The following SBK1 variants were observed in gnomAD, a reference collection of about 807,000 sequenced individuals.
SBK1 encodes SH3 domain binding kinase 1, also known as serine/threonine-protein kinase SBK1.
SBK1 carries 11 observed loss-of-function variants against 24.4 expected under a neutral mutation model. That is an observed-to-expected ratio of 0.45 (90% CI 0.28 to 0.75). SBK1 has a LOEUF of 0.75. SBK1 is among the 30% of genes least tolerant of loss of function. The pLI, the probability that SBK1 is intolerant of heterozygous loss-of-function variation, is 0.12. For synonymous variants in SBK1, 308 were observed against 284.4 expected (o/e 1.08, Z -0.83); for missense variants, 467 against 620.5 (o/e 0.75, Z 2.63).
intron 1 of SBK1, among the ~76,000 whole-genome samples, chr16:28,274,330 C>T (rs1362643941): frequency 6.6e-6 from 1 of 152,092 alleles, no homozygotes; most frequent in Non-Finnish European, 1.5e-5. Flanking sequence ...TACTACAAAA[C>T]TGAAAGTCTC....
At chr16:28,309,061 G>T (rs75005694) in intron 1 of SBK1, among the ~76,000 whole-genome samples, 3 of 152,092 alleles carry the variant, frequency 2.0e-5, no homozygotes, top group Non-Finnish European at 4.4e-5. Context: ...AAGTTTCCCA[G>T]TGGCTCCCAC....
intron 1 of SBK1, among the ~76,000 whole-genome samples, chr16:28,280,781 C>T (rs1404895060): frequency 6.6e-6 from 1 of 152,152 alleles, no homozygotes; most frequent in Non-Finnish European, 1.5e-5. Context: ...TCTCCTGGCT[C>T]AGCCTCCTGA....
At chr16:28,292,333 T>C (rs1054228227), upstream of SBK1, among the ~76,000 whole-genome samples, 1 of 16,538 alleles carries the variant, frequency 6.0e-5, no homozygotes, top group African/African-American at 2.3e-4. Flanking sequence ...CGGAAGGGGG[T>C]GGGGGCGCCG....
intron 1 of SBK1, among the ~76,000 whole-genome samples, chr16:28,294,779 G>A (rs1283377604): frequency 6.6e-6 from 1 of 152,224 alleles, no homozygotes; most frequent in East Asian, 1.9e-4. Context: ...GTGAGGATGT[G>A]ACCAGCTGGA....
rs1332595194 is a variant in SBK1, at chr16:28,320,842, C to G, written c.1196C>G (p.Pro399Arg). The G allele has an allele frequency of 1.4e-6, 2 of 1,470,510 alleles. No homozygotes were observed. The highest frequency in any genetic ancestry group is 1.8e-6 in the Non-Finnish European group (2 of 1,112,010). 91.1% of individuals were successfully genotyped at this position (1,470,510 alleles called of 1,614,324 possible). The change falls in exon 4 of 4, where the codon CCC becomes CGC. Residue 399 changes from proline to arginine, a missense_variant. Around this residue, in one of 4 missense-constraint regions of SBK1, gnomAD observed 166 missense variants for 146.8 expected, o/e 1.13. Transcript: ENST00000341901. The surrounding 1 kb of genome is among the most constrained non-coding windows in gnomAD (Gnocchi z 8.5). ...VPEPGLAPQG[P>R]PGRTDGRADK... The stretch of plus-strand genomic sequence containing the variant: ...GAGCCCGGCCTAGCTCCCCAGGGGC[C>G]CCCCGGCCGGACCGACGGCCGCGCG...
intron 1 of SBK1, among the ~76,000 whole-genome samples, chr16:28,268,439 T>G (rs2044443776): frequency 6.7e-6 from 1 of 148,588 alleles, no homozygotes; most frequent in Non-Finnish European, 1.5e-5. Flanking sequence ...TTTTTTTTTG[T>G]AAAGATGGGT....
Position 28,320,743 on chromosome 16 carries a change from CG to C in SBK1, c.1098del (p.Ala369ProfsTer26), listed in dbSNP as rs1395298843. On this transcript the variant is annotated frameshift_variant, in exon 4 of 4. Transcript: ENST00000341901. LOFTEE classifies it high-confidence loss of function. The surrounding 1 kb of genome is among the most constrained non-coding windows in gnomAD (Gnocchi z 8.5). ...LTESGSGSRP[A>X]PPAVGSVPLP... is the part of the protein sequence containing the mutation. ...GAGAGCGGCAGCGGCTCCCGGCCCG[CG>C]CCCCCCGCCGTCGGGTCGGTGCCCT... is the stretch of plus-strand genomic sequence containing the variant. The C allele has an allele frequency of 1.6e-6, 2 of 1,213,072 alleles. No individual in the cohort carries two copies. Among genetic ancestry groups the C allele is most frequent in the South Asian group, 2.1e-5 (1 of 47,590 alleles). 75.1% of individuals were successfully genotyped at this position (1,213,072 alleles called of 1,614,324 possible). A position where few individuals can be genotyped will look rare whatever the true frequency, so the allele number is the denominator to read the frequency against.
intron 1 of SBK1, among the ~76,000 whole-genome samples, chr16:28,279,045 G>A (rs2044512569): frequency 6.6e-6 from 1 of 151,964 alleles, no homozygotes; most frequent in Non-Finnish European, 1.5e-5. Context: ...GACCAACATG[G>A]TCAAACCCGC....
intron 1 of SBK1, among the ~76,000 whole-genome samples, chr16:28,308,302 C>G (rs972088725): frequency 2.6e-5 from 4 of 152,064 alleles, no homozygotes; most frequent in African/African-American, 4.8e-5. Context: ...AGGTGCCCAC[C>G]ACCACACCTG....
At chr16:28,263,655 C>A (rs2044410778) in intron 1 of SBK1, among the ~76,000 whole-genome samples, 1 of 152,070 alleles carries the variant, frequency 6.6e-6, no homozygotes, top group Non-Finnish European at 1.5e-5. Context: ...AATTGGGAAG[C>A]CTTTGAGAGC....
At chr16:28,315,004 G>A (rs983446808) in intron 1 of SBK1, among the ~76,000 whole-genome samples, 1 of 152,242 alleles carries the variant, frequency 6.6e-6, no homozygotes, top group South Asian at 2.1e-4. Flanking sequence ...AAAGGGAGAA[G>A]GGAGTGCAGG....
intron 2 of SBK1, 43 bp from the exon 3 acceptor site, chr16:28,318,952 C>G (rs1481301638): frequency 6.7e-7 from 1 of 1,499,706 alleles, no homozygotes; most frequent in East Asian, 2.3e-5. Flanking sequence ...TGCGGAGGCA[C>G]TGGGAGAGGG....
chr16:28,261,548 T>C (rs993928332), intron 1 of SBK1, among the ~76,000 whole-genome samples: 1 of 151,728 alleles, frequency 6.6e-6, no homozygotes, highest in Non-Finnish European at 1.5e-5. Flanking sequence ...GAGGATCCCT[T>C]GAGCCCAGAA....
chr16:28,294,731 T>G (rs2044626640), intron 1 of SBK1, among the ~76,000 whole-genome samples: 2 of 152,154 alleles, frequency 1.3e-5, no homozygotes, highest in African/African-American at 4.8e-5. Flanking sequence ...CAGCACCAAG[T>G]GCCCCCACCC....
In SBK1 at chr16:28,292,838, A is replaced by T; in HGVS notation, c.-470A>T. ...GACACCGAGCGACTCCCCTGCGGGG[A>T]AAGCGGAGACTTCCTCGGTATTTAG... is the stretch of plus-strand genomic sequence containing the variant. On this transcript the variant is annotated 5_prime_UTR_variant, in exon 1 of 4. Coordinates refer to ENST00000341901, the MANE Select transcript of SBK1 (RefSeq NM_001024401.3). 1 of 985,162 alleles carries T rather than the reference A, an allele frequency of 1.0e-6. No homozygotes were observed. The highest frequency in any genetic ancestry group is 1.2e-6 in the Non-Finnish European group (1 of 829,752). 61.0% of individuals were successfully genotyped at this position (985,162 alleles called of 1,614,324 possible). A position where few individuals can be genotyped will look rare whatever the true frequency, so the allele number is the denominator to read the frequency against.
In SBK1 at chr16:28,320,744, G is replaced by GC; in HGVS notation, c.1104dup (p.Ala369ArgfsTer81). 4.1e-6 allele frequency: 5 copies of GC among 1,216,126 alleles called. No homozygotes were observed. Among genetic ancestry groups the GC allele is most frequent in the Non-Finnish European group, 5.2e-6 (5 of 969,916 alleles). The allele number at this position is 1,216,126 out of a possible 1,614,324, so 75.3% of individuals were successfully genotyped here. A position where few individuals can be genotyped will look rare whatever the true frequency, so the allele number is the denominator to read the frequency against. The stretch of plus-strand genomic sequence containing the variant: ...AGAGCGGCAGCGGCTCCCGGCCCGC[G>GC]CCCCCCGCCGTCGGGTCGGTGCCCT... On this transcript the variant is annotated frameshift_variant, in exon 4 of 4. Coordinates refer to ENST00000341901, the MANE Select transcript of SBK1 (RefSeq NM_001024401.3). LOFTEE classifies it high-confidence loss of function. This position sits in a 1 kb window ranked among gnomAD's most constrained non-coding sequence, Gnocchi z 8.5.
intron 1 of SBK1, among the ~76,000 whole-genome samples, chr16:28,294,383 G>A (rs1276619284): frequency 1.3e-5 from 2 of 152,174 alleles, no homozygotes; most frequent in Non-Finnish European, 2.9e-5. Flanking sequence ...GGACCCATTT[G>A]ATAGGTGCAC....
intron 1 of SBK1, among the ~76,000 whole-genome samples, chr16:28,276,089 G>A (rs1305007589): frequency 6.6e-6 from 1 of 152,148 alleles, no homozygotes; most frequent in Non-Finnish European, 1.5e-5. Flanking sequence ...GAGGGGTTGT[G>A]GTTTGATGGC....
intron 1 of SBK1, among the ~76,000 whole-genome samples, chr16:28,272,438 C>T (rs757036992): frequency 3.3e-5 from 5 of 151,862 alleles, no homozygotes; most frequent in African/African-American, 4.8e-5. Flanking sequence ...ATGAGCTATT[C>T]CCCAATTTCT....
Sources: allele counts gnomAD v4.1 joint callset (sites outside exome capture counted in the v4.1 genomes callset), GRCh38; gene constraint gnomAD v4.1.1; regional missense constraint gnomAD v4.1.1; non-coding constraint Gnocchi (gnomAD v3.1); transcripts MANE v1.5; gene names NCBI Gene and HGNC (gene_info 2026-07-23, HGNC 2026-07-21).